MINAR2: variants seen among roughly 807,000 people sequenced by gnomAD.
MINAR2 encodes the protein major intrinsically disordered NOTCH2-binding receptor 1-like.
Under a neutral mutation model 16.1 loss-of-function variants are expected in MINAR2, and 21 were observed. The observed-to-expected ratio is 1.31, with a 90% CI of 0.93 to 1.88. The LOEUF (loss-of-function observed/expected upper bound fraction) is 1.88, where lower values mean the gene tolerates loss of function less well. MINAR2 is among the 40% of genes most tolerant of loss of function. MINAR2 has a pLI of 0.00. For synonymous variants in MINAR2, 86 were observed against 83.0 expected (o/e 1.04, Z -0.20); for missense variants, 259 against 229.8 (o/e 1.13, Z -0.82).
intron 1 of MINAR2, among the ~76,000 whole-genome samples, chr5:129,755,735 A>G (rs1758046675): frequency 6.6e-6 from 1 of 152,044 alleles, no homozygotes. Flanking sequence ...GAGATATTTC[A>G]AATGTGTTTT....
chr5:129,757,312 G>A (rs1044328124), intron 1 of MINAR2, among the ~76,000 whole-genome samples: 1 of 151,938 alleles, frequency 6.6e-6, no homozygotes, highest in Non-Finnish European at 1.5e-5. Flanking sequence ...TGCTTAGGAA[G>A]TGGAAACAAA....
chr5:129,750,852 C>T (rs904645821), intron 1 of MINAR2, among the ~76,000 whole-genome samples: 3 of 152,122 alleles, frequency 2.0e-5, no homozygotes, highest in Admixed American at 6.6e-5. Context: ...TCAATAAATA[C>T]GTCAACCTGC....
intron 2 of MINAR2, among the ~76,000 whole-genome samples, chr5:129,761,213 C>G (rs927793903): frequency 6.6e-6 from 1 of 152,162 alleles, no homozygotes; most frequent in Admixed American, 6.5e-5. Flanking sequence ...TGTTTGCCCC[C>G]ACTGGTGTCA....
chr5:129,761,235 G>A (rs1488163516), intron 2 of MINAR2, among the ~76,000 whole-genome samples: 2 of 152,226 alleles, frequency 1.3e-5, no homozygotes, highest in East Asian at 3.9e-4. Flanking sequence ...CCCATCACAT[G>A]AAAAACTTCA....
chr5:129,750,646 A>C (rs1581287470), intron 1 of MINAR2, among the ~76,000 whole-genome samples: 1 of 152,242 alleles, frequency 6.6e-6, no homozygotes, highest in Admixed American at 6.5e-5. Flanking sequence ...TAAAAGATCA[A>C]GAATATGTAT....
At chr5:129,760,255 C>T in intron 1 of MINAR2, 123 bp from the exon 2 acceptor site, 2 of 703,360 alleles carry the variant, frequency 2.8e-6, no homozygotes, top group East Asian at 2.7e-5. Context: ...TTTTCTCATT[C>T]ATTGTCCTAA....
chr5:129,758,613 T>C (rs1033136719), intron 1 of MINAR2, among the ~76,000 whole-genome samples: 1 of 151,984 alleles, frequency 6.6e-6, no homozygotes, highest in Non-Finnish European at 1.5e-5. Flanking sequence ...CCCAAAACTG[T>C]ATTTTCATTT....
At chr5:129,759,172 G>T (rs988889627) in intron 1 of MINAR2, among the ~76,000 whole-genome samples, 8 of 152,012 alleles carry the variant, frequency 5.3e-5, no homozygotes, top group African/African-American at 1.2e-4. Flanking sequence ...GACAGCATCA[G>T]AGTATTGATA....
chr5:129,752,649 T>C (rs1020564197), intron 1 of MINAR2, among the ~76,000 whole-genome samples: 2 of 152,094 alleles, frequency 1.3e-5, no homozygotes. Flanking sequence ...AGATGATGGG[T>C]TGATGGGTGC....
rs1298830938 is a variant in MINAR2 at position 129,756,958 on chromosome 5, AC to A, written c.166-3419del. On this transcript the variant is annotated intron_variant, in intron 1 of 2. Coordinates refer to ENST00000564719, the MANE Select transcript of MINAR2 (RefSeq NM_001257308.2). ...GTAAAAAAAAAAAAAAAAAAAAAAA[AC>A]ACACACACACAAACATATATGTATA... Among the ~76,000 whole-genome samples, 12 of 118,040 alleles carry A rather than the reference AC, an allele frequency of 1.0e-4. No homozygotes were observed. In the South Asian group the frequency reaches 1.6e-3, roughly 16 times the overall value. The allele number at this position is 118,040 out of a possible 152,430, so 77.4% of individuals were successfully genotyped here. A position where few individuals can be genotyped will look rare whatever the true frequency, so the allele number is the denominator to read the frequency against.
intron 2 of MINAR2, among the ~76,000 whole-genome samples, chr5:129,763,396 T>C (rs1315645755): frequency 1.3e-5 from 2 of 152,224 alleles, no homozygotes; most frequent in African/African-American, 4.8e-5. Flanking sequence ...TTGACACCAC[T>C]TTTAGGCTAT....
chr5:129,765,051 T>C lies in MINAR2; in HGVS notation c.561T>C (p.Thr187=). Residue 187 remains threonine, a synonymous_variant, in exon 3 of 3, where the codon ACT becomes ACC. Transcript: ENST00000564719. ...SILVTIVTII[T]FFT is the part of the protein sequence containing the mutation. The stretch of plus-strand genomic sequence containing the variant: ...TGGTTACCATAGTGACTATCATTAC[T>C]TTTTTCACCTGAGGAAACTGCAACA... The C allele has an allele frequency of 7.7e-7, 1 of 1,291,894 alleles. No homozygotes were observed. The highest frequency in any genetic ancestry group is 9.8e-7 in the Non-Finnish European group (1 of 1,016,772). The allele number at this position is 1,291,894 out of a possible 1,614,324, so 80.0% of individuals were successfully genotyped here.
chr5:129,749,831 T>C (rs1296910957), intron 1 of MINAR2, among the ~76,000 whole-genome samples: 1 of 152,188 alleles, frequency 6.6e-6, no homozygotes, highest in African/African-American at 2.4e-5. Context: ...TGAATGTTGT[T>C]CCTAAACCTA....
At position 129,765,246 on chromosome 5, in the gene MINAR2, T is replaced by C. The variant is rs1758196546; in HGVS notation, c.*183T>C. Reference sequence around the variant, plus strand: ...ATGTCAGGCGTGGTATGCTGGCTTCTCCACTTTGTTCTATAAAAGCTTTCT... The same window carrying C: ...ATGTCAGGCGTGGTATGCTGGCTTCCCCACTTTGTTCTATAAAAGCTTTCT... On this transcript the variant is annotated 3_prime_UTR_variant, in exon 3 of 3. Transcript: ENST00000564719. 4.9e-6 allele frequency: 2 copies of C among 404,278 alleles called. No individual in the cohort carries two copies. The highest frequency in any genetic ancestry group is 4.3e-6 in the Non-Finnish European group (1 of 233,988). The allele number at this position is 404,278 out of a possible 1,614,324, so 25.0% of individuals were successfully genotyped here.
At chr5:129,754,721 A>G (rs911173390) in intron 1 of MINAR2, among the ~76,000 whole-genome samples, 1 of 152,132 alleles carries the variant, frequency 6.6e-6, no homozygotes, top group African/African-American at 2.4e-5. Flanking sequence ...ACTATTGATC[A>G]TTATATACTG....
intron 1 of MINAR2, 32 bp downstream of exon 1, chr5:129,748,387 G>A: frequency 1.3e-6 from 2 of 1,525,430 alleles, no homozygotes; most frequent in South Asian, 1.2e-5. Flanking sequence ...ATACGGGGAT[G>A]GAGGCTTGTT....
intron 1 of MINAR2, among the ~76,000 whole-genome samples, chr5:129,748,908 T>C (rs968210130): frequency 6.6e-6 from 1 of 152,172 alleles, no homozygotes; most frequent in Non-Finnish European, 1.5e-5. Context: ...AAGTGCTAGC[T>C]ATTACTGTAG....
chr5:129,763,827 A>C (rs1758170680), intron 2 of MINAR2, among the ~76,000 whole-genome samples: 1 of 152,186 alleles, frequency 6.6e-6, no homozygotes, highest in Admixed American at 6.6e-5. Flanking sequence ...TGGAAGTCTG[A>C]AGCTAGTTCA....
intron 1 of MINAR2, among the ~76,000 whole-genome samples, chr5:129,754,520 C>G (rs1240952696): frequency 6.6e-6 from 1 of 152,190 alleles, no homozygotes; most frequent in Non-Finnish European, 1.5e-5. Flanking sequence ...CCTTGATTCT[C>G]TCAATCCATG....
Sources: allele counts gnomAD v4.1 joint callset (sites outside exome capture counted in the v4.1 genomes callset), GRCh38; gene constraint gnomAD v4.1.1; transcripts MANE v1.5; gene names NCBI Gene and HGNC (gene_info 2026-07-23, HGNC 2026-07-21).